Variants in CNTNAP5 observed in about 807,000 individuals in gnomAD.
The protein encoded by CNTNAP5 is contactin associated protein family member 5.
Under a neutral mutation model 150.2 loss-of-function variants are expected in CNTNAP5, and 72 were observed. That is an observed-to-expected ratio of 0.48 (90% CI 0.40 to 0.58). The LOEUF is 0.58. Ranked by LOEUF, CNTNAP5 falls within the 20% of genes least tolerant of loss-of-function variation. CNTNAP5 has a pLI of 0.00. For synonymous variants in CNTNAP5, 672 were observed against 619.8 expected (o/e 1.08, Z -1.25); for missense variants, 1,636 against 1,626.2 (o/e 1.01, Z -0.10).
intron 19 of CNTNAP5, among the ~76,000 whole-genome samples, chr2:124,860,938 ATT>A (rs1439742442): frequency 2.6e-5 from 4 of 152,068 alleles, no homozygotes; most frequent in Non-Finnish European, 4.4e-5. Flanking sequence ...AACCGGCTGA[ATT>A]TAGTTTTTAA....
At chr2:124,148,790 T>C (rs200045603) in intron 1 of CNTNAP5, among the ~76,000 whole-genome samples, 1 of 39,580 alleles carries the variant, frequency 2.5e-5, no homozygotes, top group Non-Finnish European at 6.3e-5. Context: ...TGTGTATACA[T>C]ATATGTGTGT....
At chr2:124,896,802 A>G (rs900320998) in intron 21 of CNTNAP5, among the ~76,000 whole-genome samples, 3 of 151,514 alleles carry the variant, frequency 2.0e-5, no homozygotes, top group African/African-American at 7.3e-5. Context: ...GCCTCCCAAA[A>G]TTCTGGGATT....
chr2:124,839,457 C>T lies in CNTNAP5; in HGVS notation c.3218-25849C>T, dbSNP rs78466804. ...TCTCTCTCTCTCTCTCCCTTTCCCC[C>T]TCTCTCTTTACTCTCCTATGGCCTC... On this transcript the variant is annotated intron_variant, in intron 19 of 23. Transcript: ENST00000682447. Among the ~76,000 whole-genome samples, 741 of 151,826 alleles carry T rather than the reference C, an allele frequency of 4.9e-3. 6 individuals are homozygous for T. The highest frequency in any genetic ancestry group is 0.016 in the African/African-American group (681 of 41,398).
At chr2:124,637,709 A>G (rs1478189400) in intron 12 of CNTNAP5, among the ~76,000 whole-genome samples, 1 of 152,024 alleles carries the variant, frequency 6.6e-6, no homozygotes, top group Non-Finnish European at 1.5e-5. Context: ...ATTTCCTTTC[A>G]TATTTATTGC....
chr2:124,286,751 C>T (rs1220338863), intron 3 of CNTNAP5, among the ~76,000 whole-genome samples: 1 of 152,154 alleles, frequency 6.6e-6, no homozygotes, highest in African/African-American at 2.4e-5. Flanking sequence ...TTCCAGGTCA[C>T]CCTTCTCCTG....
At chr2:124,759,925 T>C (rs79249209) in intron 14 of CNTNAP5, among the ~76,000 whole-genome samples, 11,483 of 137,024 alleles carry the variant, frequency 0.084, 588 homozygotes, top group East Asian at 0.14. Context: ...TCTTGTTACC[T>C]AAACTCCTCG....
Position 124,919,929 on chromosome 2 carries a change from T to C in CNTNAP5, c.*5641T>C, listed in dbSNP as rs1185903738. ...GCCCCTGTGAGTGGAAGTCCTCAGATTCTGGAATCCATCCAGTGTCTTTCT... is the reference window on the plus strand; with the variant it reads ...GCCCCTGTGAGTGGAAGTCCTCAGACTCTGGAATCCATCCAGTGTCTTTCT... On this transcript the variant is annotated 3_prime_UTR_variant, in exon 24 of 24. Transcript: ENST00000682447. Among the ~76,000 whole-genome samples, 1 of 152,046 alleles carries C rather than the reference T, an allele frequency of 6.6e-6. No individual in the cohort carries two copies. Among genetic ancestry groups the C allele is most frequent in the Non-Finnish European group, 1.5e-5 (1 of 68,010 alleles).
intron 3 of CNTNAP5, among the ~76,000 whole-genome samples, chr2:124,346,874 C>A (rs974362374): frequency 2.1e-5 from 3 of 145,890 alleles, no homozygotes; most frequent in African/African-American, 7.7e-5. Context: ...AGTTCGAGAC[C>A]ATCCTGGCCA....
chr2:124,446,760 C>A lies in CNTNAP5; in HGVS notation c.741C>A (p.Ser247Arg). Reference protein sequence around the residue: ...RLALHLNLGDSKARLSSSLPS... With the variant: ...RLALHLNLGDRKARLSSSLPS... ...TCTCTCCCCTCTTCACAGGTGACAG[C>A]AAAGCGCGGCTCAGCAGCAGCTTGC... Residue 247 changes from serine to arginine, a missense_variant, in exon 6 of 24, where the codon AGC becomes AGA. By Grantham distance (110) the Ser-to-Arg change is moderately radical (BLOSUM62 -1). Coordinates refer to ENST00000682447, the MANE Select transcript of CNTNAP5 (RefSeq NM_001367498.1). The A allele has an allele frequency of 6.2e-7, 1 of 1,613,062 alleles. No homozygotes were observed. Among genetic ancestry groups the A allele is most frequent in the Non-Finnish European group, 8.5e-7 (1 of 1,179,418 alleles).
chr2:124,794,672 A>G (rs1202903955), intron 18 of CNTNAP5, among the ~76,000 whole-genome samples: 1 of 152,174 alleles, frequency 6.6e-6, no homozygotes, highest in Non-Finnish European at 1.5e-5. Flanking sequence ...AATGGCAAAC[A>G]TATGCTGTAG....
rs1427017376 is a variant in CNTNAP5, at chr2:124,871,281, C to CTTATTTATTTATTTATTTATTTATTTAT, written c.3436+1533_3436+1534insATTTATTTATTTATTTATTTATTTATTT. ...ATACATACATATACATATTTACTTA[C>CTTATTTATTTATTTATTTATTTATTTAT]TTATTTATTTATTTTCCTGAACAAA... On this transcript the variant is annotated intron_variant, in intron 21 of 23. Coordinates refer to ENST00000682447, the MANE Select transcript of CNTNAP5 (RefSeq NM_001367498.1). Among the ~76,000 whole-genome samples the CTTATTTATTTATTTATTTATTTATTTAT allele has an allele frequency of 4.4e-3, 668 of 151,190 alleles. 2 individuals are homozygous for CTTATTTATTTATTTATTTATTTATTTAT. The highest frequency in any genetic ancestry group is 0.015 in the African/African-American group (623 of 40,914).
At chr2:124,365,910 C>A (rs1275712906) in intron 3 of CNTNAP5, among the ~76,000 whole-genome samples, 2 of 152,120 alleles carry the variant, frequency 1.3e-5, no homozygotes, top group South Asian at 2.1e-4. Context: ...AGTACTGGAG[C>A]TAAGTGATTA....
At chr2:124,173,268 C>T (rs1026201644) in intron 1 of CNTNAP5, among the ~76,000 whole-genome samples, 1 of 152,152 alleles carries the variant, frequency 6.6e-6, no homozygotes, top group Non-Finnish European at 1.5e-5. Flanking sequence ...AATAACCATG[C>T]AATAGCCTCT....
chr2:124,742,348 A>C (rs1463018404), intron 13 of CNTNAP5, among the ~76,000 whole-genome samples: 1 of 151,180 alleles, frequency 6.6e-6, no homozygotes, highest in Non-Finnish European at 1.5e-5. Context: ...ACATTTGAAA[A>C]GAAGACAGCT....
intron 1 of CNTNAP5, among the ~76,000 whole-genome samples, chr2:124,102,431 G>A (rs1334006301): frequency 6.6e-6 from 1 of 152,134 alleles, no homozygotes; most frequent in Middle Eastern, 3.2e-3. Flanking sequence ...GAAGTTCAGC[G>A]ACCAGGCTCT....
chr2:124,239,786 G>T (rs951041988), intron 2 of CNTNAP5, among the ~76,000 whole-genome samples: 22 of 151,964 alleles, frequency 1.4e-4, no homozygotes, highest in Non-Finnish European at 1.9e-4. Flanking sequence ...AATTATTTTG[G>T]ATTTTTTGAA....
chr2:124,390,741 T>C (rs886287911), intron 3 of CNTNAP5, among the ~76,000 whole-genome samples: 1 of 152,182 alleles, frequency 6.6e-6, no homozygotes, highest in African/African-American at 2.4e-5. Flanking sequence ...CAAACCCTTA[T>C]ACAAAAACAC....
intron 1 of CNTNAP5, among the ~76,000 whole-genome samples, chr2:124,153,927 CT>C (rs969694415): frequency 6.6e-6 from 1 of 151,416 alleles, no homozygotes; most frequent in Non-Finnish European, 1.5e-5. Flanking sequence ...GGCTTTTTTT[CT>C]TTTTTTTAAT....
intron 13 of CNTNAP5, among the ~76,000 whole-genome samples, chr2:124,655,951 G>GAAAGA (rs1553427805): frequency 2.8e-5 from 3 of 107,568 alleles, no homozygotes; most frequent in African/African-American, 1.2e-4. Flanking sequence ...GAGAGAGAAA[G>GAAAGA]AAAGAAAGAA....
Sources: gnomAD v4.1 joint callset for allele counts (sites outside exome capture counted in the v4.1 genomes callset) on GRCh38, gnomAD v4.1.1 for gene constraint, MANE v1.5 for transcripts, NCBI Gene and HGNC (gene_info 2026-07-23, HGNC 2026-07-21) for gene names.